The following PCDHA12 variants were observed in gnomAD, a reference collection of about 807,000 sequenced individuals.
The protein encoded by PCDHA12 is protocadherin alpha-12.
PCDHA12 carries 44 observed loss-of-function variants against 60.0 expected under a neutral mutation model. The ratio of observed to expected loss-of-function variants is 0.73; its 90% CI spans 0.58 to 0.94. PCDHA12 has a LOEUF of 0.94. Ranked by LOEUF, PCDHA12 falls within the 40% of genes least tolerant of loss-of-function variation. The pLI is 0.00. For synonymous variants in PCDHA12, 569 were observed against 553.0 expected, an observed-to-expected ratio of 1.03 and a Z score of -0.40; for missense variants, 1,276 against 1,239.7, an observed-to-expected ratio of 1.03 and a Z score of -0.44.
chr5:140,962,637 T>A (rs556134281), intron 1 of PCDHA12, among the ~76,000 whole-genome samples: 3 of 152,338 alleles, frequency 2.0e-5, no homozygotes, highest in Admixed American at 6.5e-5. Flanking sequence ...AATTTAGCCA[T>A]CAAGTTATGT....
In PCDHA12 at chr5:140,877,332, C is replaced by G. The variant is rs2057040352; in HGVS notation, c.1860C>G (p.Ile620Met). Residue 620 changes from isoleucine to methionine, a missense_variant, in exon 1 of 4, where the codon ATC (isoleucine) becomes ATG (methionine). Transcript: ENST00000398631. The part of the protein sequence containing the change: ...ELQPAAVGAH[I>M]PFHVGLYTGE... ...AACCGGCGGCGGTCGGCGCGCACAT[C>G]CCGTTCCACGTGGGGCTGTACACTG... The G allele has an allele frequency of 9.9e-6, 16 of 1,613,990 alleles. No individual in the cohort carries two copies. The highest frequency in any genetic ancestry group is 1.4e-5 in the Non-Finnish European group (16 of 1,179,868).
intron 1 of PCDHA12, among the ~76,000 whole-genome samples, chr5:140,894,629 T>C (rs1406335031): frequency 6.6e-6 from 1 of 152,036 alleles, no homozygotes; most frequent in African/African-American, 2.4e-5. Flanking sequence ...TCTTCTCCAA[T>C]CATATCATTA....
chr5:140,903,121 C>A (rs2070010801), intron 1 of PCDHA12, among the ~76,000 whole-genome samples: 2 of 152,188 alleles, frequency 1.3e-5, no homozygotes, highest in Non-Finnish European at 2.9e-5. Flanking sequence ...ACTTCTAAAT[C>A]TTTAAGAAAT....
At chr5:140,884,501 G>T (rs2060219226) in intron 1 of PCDHA12, 2 of 1,614,146 alleles carry the variant, frequency 1.2e-6, no homozygotes, top group Non-Finnish European at 1.7e-6. Context: ...CTCCAGCGCG[G>T]CAGGGAGTTG....
At position 140,877,108 on chromosome 5, in the gene PCDHA12, G is replaced by C; in HGVS notation, c.1636G>C (p.Gly546Arg). 1 of 1,613,542 alleles carries C rather than the reference G, an allele frequency of 6.2e-7. No individual in the cohort carries two copies. The change falls in exon 1 of 4, where the codon GGC (glycine) becomes CGC (arginine). Residue 546 changes from glycine to arginine, a missense_variant. Physicochemically the swap from Gly to Arg is moderately radical, Grantham distance 125. Coordinates refer to ENST00000398631, the MANE Select transcript of PCDHA12 (RefSeq NM_018903.4). ...GCGCGACGCCGGCGTGCCGCCTCTG[G>C]GCAGCAACGTGACGCTGCAGGTGTT... ...SARDAGVPPL[G>R]SNVTLQVFVL... is the part of the protein sequence containing the mutation.
At chr5:140,990,273 G>A (rs2097384089) in intron 3 of PCDHA12, among the ~76,000 whole-genome samples, 2 of 152,100 alleles carry the variant, frequency 1.3e-5, no homozygotes, top group African/African-American at 4.8e-5. Flanking sequence ...AATGTACCCC[G>A]GGTCTTGAGA....
At chr5:140,937,769 G>A (rs908179495) in intron 1 of PCDHA12, among the ~76,000 whole-genome samples, 44 of 151,776 alleles carry the variant, frequency 2.9e-4, no homozygotes, top group African/African-American at 9.4e-4. Context: ...AAAATTAGTC[G>A]GGCGTGGTGG....
At chr5:140,887,928 A>G (rs1345223604) in intron 1 of PCDHA12, among the ~76,000 whole-genome samples, 1 of 152,138 alleles carries the variant, frequency 6.6e-6, no homozygotes, top group Non-Finnish European at 1.5e-5. Flanking sequence ...TTCAGAGACC[A>G]TATTTATTTC....
chr5:140,913,659 A>T (rs1414002446), intron 1 of PCDHA12, among the ~76,000 whole-genome samples: 2 of 152,044 alleles, frequency 1.3e-5, no homozygotes, highest in Non-Finnish European at 2.9e-5. Flanking sequence ...TTTAAGATGT[A>T]TAGTTAGGTT....
At chr5:140,959,269 C>A (rs1334380683) in intron 1 of PCDHA12, among the ~76,000 whole-genome samples, 1 of 151,924 alleles carries the variant, frequency 6.6e-6, no homozygotes, top group Non-Finnish European at 1.5e-5. Flanking sequence ...CCCAGCTACC[C>A]AGGAGCCTGA....
At chr5:141,003,331 TTTTG>T (rs1554259005) in intron 3 of PCDHA12, among the ~76,000 whole-genome samples, 2 of 152,142 alleles carry the variant, frequency 1.3e-5, no homozygotes, top group Non-Finnish European at 2.9e-5. Flanking sequence ...GGGCAGGGTT[TTTTG>T]TTTGTTTGCT....
chr5:140,969,075 A>G, intron 1 of PCDHA12: 1 of 1,614,184 alleles, frequency 6.2e-7, no homozygotes, highest in Non-Finnish European at 8.5e-7. Flanking sequence ...AGGATACCGC[A>G]TGGCCTCAAA....
At chr5:140,982,336 A>G in intron 2 of PCDHA12, 139 bp from the exon 3 acceptor site, 1 of 1,449,074 alleles carries the variant, frequency 6.9e-7, no homozygotes, top group Non-Finnish European at 9.2e-7. Context: ...GCTCAGCAGT[A>G]ATTGCTTCAG....
chr5:140,986,385 T>C (rs1554247992), intron 3 of PCDHA12, among the ~76,000 whole-genome samples: 2 of 152,134 alleles, frequency 1.3e-5, no homozygotes, highest in Non-Finnish European at 1.5e-5. Context: ...GGAGGGACAT[T>C]AAAGGGCCAG....
chr5:141,000,381 CTCTCTCTCTCTCTCTATATA>C (rs2097908619), intron 3 of PCDHA12, among the ~76,000 whole-genome samples: 2 of 61,370 alleles, frequency 3.3e-5, no homozygotes, highest in African/African-American at 7.4e-5. Context: ...CTCTCTCTCT[CTCTCTCTCTCTCTCTATATA>C]TATATATATA....
At chr5:140,924,312 T>G (rs752006188) in intron 1 of PCDHA12, among the ~76,000 whole-genome samples, 84 of 152,338 alleles carry the variant, frequency 5.5e-4, no homozygotes, top group Non-Finnish European at 7.9e-4. Context: ...TCCTTTAATT[T>G]TATCTGAGAC....
chr5:140,931,838 C>G (rs572437091), intron 1 of PCDHA12, among the ~76,000 whole-genome samples: 4 of 151,894 alleles, frequency 2.6e-5, no homozygotes, highest in African/African-American at 9.6e-5. Context: ...ATCCTGAATG[C>G]CTTAATAACA....
At chr5:140,983,392 C>T (rs1190599444) in intron 3 of PCDHA12, among the ~76,000 whole-genome samples, 2 of 152,150 alleles carry the variant, frequency 1.3e-5, no homozygotes, top group African/African-American at 2.4e-5. Context: ...TGGCAGTTTT[C>T]AGAAAGGGAA....
intron 1 of PCDHA12, among the ~76,000 whole-genome samples, chr5:140,886,239 T>C (rs2060904240): frequency 6.6e-6 from 1 of 152,062 alleles, no homozygotes; most frequent in African/African-American, 2.4e-5. Flanking sequence ...ACTTCAGAAA[T>C]AAATAAAAGT....
Sources: allele counts gnomAD v4.1 joint callset (sites outside exome capture counted in the v4.1 genomes callset), GRCh38; gene constraint gnomAD v4.1.1; transcripts MANE v1.5; gene names NCBI Gene and HGNC (gene_info 2026-07-23, HGNC 2026-07-21).